The following EFNA5 variants were observed in gnomAD, a reference collection of about 807,000 sequenced individuals.
EFNA5 encodes ephrin A5.
A neutral mutation model predicts 22.9 loss-of-function variants in EFNA5; 5 were observed. The ratio of observed to expected loss-of-function variants is 0.22; its 90% CI spans 0.11 to 0.46. EFNA5 has a LOEUF of 0.46. Ranked by LOEUF, EFNA5 falls within the 20% of genes least tolerant of loss-of-function variation. The pLI, the probability that EFNA5 is intolerant of heterozygous loss-of-function variation, is 0.99. For synonymous variants in EFNA5, 113 were observed against 112.2 expected, an observed-to-expected ratio of 1.01 and a Z score of -0.04; for missense variants, 237 against 293.3, an observed-to-expected ratio of 0.81 and a Z score of 1.40.
intron 1 of EFNA5, among the ~76,000 whole-genome samples, chr5:107,641,839 G>C (rs1210951951): frequency 6.6e-6 from 1 of 151,946 alleles, no homozygotes; most frequent in East Asian, 1.9e-4. Context: ...CCAACAGGAG[G>C]CCCAAGTATT....
At chr5:107,398,637 G>A (rs1232404078) in intron 2 of EFNA5, among the ~76,000 whole-genome samples, 1 of 151,866 alleles carries the variant, frequency 6.6e-6, no homozygotes, top group Non-Finnish European at 1.5e-5. Flanking sequence ...GCTTGAGCCC[G>A]AGAGTTTGAG....
At chr5:107,601,339 G>A (rs181680995) in intron 1 of EFNA5, among the ~76,000 whole-genome samples, 7 of 152,268 alleles carry the variant, frequency 4.6e-5, no homozygotes, top group African/African-American at 9.6e-5. Context: ...GGAAGATAAC[G>A]TAACCCATAA....
rs1019646342 is a variant in EFNA5, at chr5:107,595,985, T to C, written c.125+74504A>G. ...GCTTACATTTACTCCAAATATTTAT[T>C]TTTTTAATTGCCTCAGAAAAAAATA... On this transcript the variant is annotated intron_variant, in intron 1 of 4. Transcript: ENST00000333274. 3.9e-5 allele frequency among the ~76,000 whole-genome samples: 6 copies of C among 152,216 alleles called. 1 individual carries two copies. The South Asian group carries it at 1.0e-3, about 26-fold the overall frequency.
intron 2 of EFNA5, among the ~76,000 whole-genome samples, chr5:107,397,592 A>T (rs1332367993): frequency 6.6e-6 from 1 of 152,144 alleles, no homozygotes; most frequent in African/African-American, 2.4e-5. Flanking sequence ...ATTTACACAA[A>T]TCAATGATTT....
intron 1 of EFNA5, among the ~76,000 whole-genome samples, chr5:107,443,972 A>T (rs1422368998): frequency 6.6e-6 from 1 of 152,204 alleles, no homozygotes; most frequent in African/African-American, 2.4e-5. Flanking sequence ...TCCAAGACAA[A>T]CTCTGGTAAT....
chr5:107,497,204 T>C (rs1747010494), intron 1 of EFNA5, among the ~76,000 whole-genome samples: 1 of 152,190 alleles, frequency 6.6e-6, no homozygotes, highest in Non-Finnish European at 1.5e-5. Context: ...TTGATGTACA[T>C]GAGGACAAAT....
intron 2 of EFNA5, among the ~76,000 whole-genome samples, chr5:107,389,825 T>C (rs796707127): frequency 1.3e-5 from 2 of 152,174 alleles, no homozygotes; most frequent in South Asian, 2.1e-4. Context: ...AAATATGAAA[T>C]ACATTTGTAT....
intron 1 of EFNA5, among the ~76,000 whole-genome samples, chr5:107,442,745 C>T (rs182070029): frequency 6.6e-6 from 1 of 150,986 alleles, no homozygotes; most frequent in Admixed American, 6.6e-5. Flanking sequence ...TTAAAATAAG[C>T]AAAGAAAAAG....
At chr5:107,598,346 T>C (rs753791286) in intron 1 of EFNA5, among the ~76,000 whole-genome samples, 3 of 152,058 alleles carry the variant, frequency 2.0e-5, no homozygotes, top group Non-Finnish European at 4.4e-5. Context: ...TGACACCAAA[T>C]TGAGTGGAAG....
chr5:107,613,974 C>G (rs1749868276), intron 1 of EFNA5, among the ~76,000 whole-genome samples: 1 of 151,988 alleles, frequency 6.6e-6, no homozygotes, highest in South Asian at 2.1e-4. Context: ...AAATCAGTAC[C>G]CTGCATAAAT....
intron 1 of EFNA5, among the ~76,000 whole-genome samples, chr5:107,538,356 T>C (rs772166517): frequency 5.3e-5 from 8 of 152,216 alleles, no homozygotes; most frequent in Non-Finnish European, 1.2e-4. Flanking sequence ...TGAGCCTCTA[T>C]TATGTGCAAA....
rs1010554894 is a variant in EFNA5, at chr5:107,378,991, T to G, written c.*2264A>C. 98 of 150,028 alleles carry G rather than the reference T, an allele frequency of 6.5e-4. No homozygotes were observed. The highest frequency in any genetic ancestry group is 2.4e-3 in the African/African-American group (97 of 40,478). 9.3% of individuals were successfully genotyped at this position (150,028 alleles called of 1,614,324 possible). ...GGACCAACAAGCCTGTAACTATTAA[T>G]TAAAAAAAAAAAAGTATTTCTGCAT... On this transcript the variant is annotated 3_prime_UTR_variant, in exon 5 of 5. Transcript: ENST00000333274.
At chr5:107,526,507 CT>C (rs1747698503) in intron 1 of EFNA5, among the ~76,000 whole-genome samples, 1 of 152,178 alleles carries the variant, frequency 6.6e-6, no homozygotes. Flanking sequence ...CCCTCTGTGA[CT>C]CTGCTGTATT....
intron 1 of EFNA5, among the ~76,000 whole-genome samples, chr5:107,614,458 T>C (rs987512470): frequency 3.3e-5 from 5 of 152,164 alleles, no homozygotes; most frequent in Non-Finnish European, 7.4e-5. Context: ...AAATATACTG[T>C]TAAAAAATAA....
At chr5:107,528,415 A>G (rs973241113) in intron 1 of EFNA5, among the ~76,000 whole-genome samples, 1 of 152,154 alleles carries the variant, frequency 6.6e-6, no homozygotes, top group African/African-American at 2.4e-5. Context: ...TACTCAGAAT[A>G]TCTACTAAGT....
At chr5:107,471,696 T>C (rs963833740) in intron 1 of EFNA5, among the ~76,000 whole-genome samples, 3 of 152,208 alleles carry the variant, frequency 2.0e-5, no homozygotes, top group Admixed American at 2.0e-4. Flanking sequence ...GGCAAGGCCA[T>C]GTTGCTTAGT....
At chr5:107,614,478 A>G (rs904250842) in intron 1 of EFNA5, among the ~76,000 whole-genome samples, 1 of 152,154 alleles carries the variant, frequency 6.6e-6, no homozygotes, top group African/African-American at 2.4e-5. Flanking sequence ...AGTTAGTCAT[A>G]TGAGATAACA....
At chr5:107,432,956 T>C (rs1749002467) in intron 1 of EFNA5, among the ~76,000 whole-genome samples, 1 of 152,216 alleles carries the variant, frequency 6.6e-6, no homozygotes, top group Non-Finnish European at 1.5e-5. Flanking sequence ...AAAGAGTAAA[T>C]ATATTTTCTC....
chr5:107,477,532 T>G (rs1331156212), intron 1 of EFNA5, among the ~76,000 whole-genome samples: 1 of 152,216 alleles, frequency 6.6e-6, no homozygotes, highest in Non-Finnish European at 1.5e-5. Flanking sequence ...CTCTGGCAAT[T>G]ACATTTATCC....
Sources: gnomAD v4.1 joint callset for allele counts (sites outside exome capture counted in the v4.1 genomes callset) on GRCh38, gnomAD v4.1.1 for gene constraint, MANE v1.5 for transcripts, NCBI Gene and HGNC (gene_info 2026-07-23, HGNC 2026-07-21) for gene names.